The following ZNF385A variants were observed in gnomAD, a reference collection of about 807,000 sequenced individuals.
ZNF385A encodes the protein hematopoietic zinc finger protein.
ZNF385A carries 14 observed loss-of-function variants against 32.1 expected under a neutral mutation model. The ratio of observed to expected loss-of-function variants is 0.44; its 90% confidence interval spans 0.29 to 0.68. The LOEUF (loss-of-function observed/expected upper bound fraction) is 0.68, where lower values mean the gene tolerates loss of function less well. Ranked by LOEUF, ZNF385A falls within the 30% of genes least tolerant of loss-of-function variation. The pLI, the probability that ZNF385A is intolerant of heterozygous loss-of-function variation, is 0.14. For missense variants in ZNF385A, 406 were observed against 478.4 expected, an observed-to-expected ratio of 0.85 and a Z score of 1.41; for synonymous variants, 197 against 202.7, an observed-to-expected ratio of 0.97 and a Z score of 0.24.
chr12:54,371,019 T>C lies in ZNF385A; in HGVS notation c.682A>G (p.Thr228Ala). The change falls in exon 5 of 7, where the codon ACC (threonine) becomes GCC (alanine). Residue 228 changes from threonine (T) to alanine (A), a missense_variant. Physicochemically the swap from Thr to Ala is moderately conservative, Grantham distance 58. Transcript: ENST00000394313. The part of the protein sequence containing the change: ...IKAYPRLGPP[T>A]PGEPEAPAQD... ...GCAGGAGCCTCTGGTTCCCCCGGGG[T>C]GGGAGGCCCCAGCCGAGGGTAAGCT... 1.2e-6 allele frequency: 2 copies of C among 1,613,976 alleles called. No homozygotes were observed. The highest frequency in any genetic ancestry group is 1.7e-6 in the Non-Finnish European group (2 of 1,179,980).
upstream of ZNF385A, among the ~76,000 whole-genome samples, chr12:54,386,443 TAAAAG>T (rs892595970): frequency 2.0e-4 from 30 of 151,788 alleles, no homozygotes; most frequent in African/African-American, 6.8e-4. Flanking sequence ...GCGAGAAAGA[TAAAAG>T]AGAAGAGAGA....
intron 2 of ZNF385A, among the ~76,000 whole-genome samples, chr12:54,374,748 G>A (rs1954751214): frequency 6.6e-6 from 1 of 151,522 alleles, no homozygotes; most frequent in African/African-American, 2.4e-5. Context: ...GGGGAGGGGA[G>A]GGTAGGGCAA....
At chr12:54,385,594 C>T (rs369528873), upstream of ZNF385A, 4 of 977,764 alleles carry the variant, frequency 4.1e-6, no homozygotes, top group African/African-American at 1.7e-5. Flanking sequence ...GTGCTTGGCC[C>T]GTCCTCCCTT....
chr12:54,377,369 C>A lies in ZNF385A; in HGVS notation c.88-1415G>T, dbSNP rs1954902481. Reference sequence around the variant, plus strand: ...GGAAAGAAGCCTCTCTAAGGGCTCACTTTTTTTTACCTCAGCTTCCCAGAA... The same window carrying A: ...GGAAAGAAGCCTCTCTAAGGGCTCAATTTTTTTTACCTCAGCTTCCCAGAA... On this transcript the variant is annotated intron_variant, in intron 1 of 6. Transcript: ENST00000394313. Among the ~76,000 whole-genome samples the A allele has an allele frequency of 3.9e-5, 6 of 152,126 alleles. No individual in the cohort carries two copies. In the South Asian group the frequency reaches 1.2e-3, roughly 32 times the overall value.
Sources: allele counts gnomAD v4.1 joint callset (sites outside exome capture counted in the v4.1 genomes callset), GRCh38; gene constraint gnomAD v4.1.1; transcripts MANE v1.5; gene names NCBI Gene and HGNC (gene_info 2026-07-23, HGNC 2026-07-21).